RNF138: variants seen among roughly 807,000 people sequenced by gnomAD.
RNF138 encodes E3 ubiquitin-protein ligase RNF138.
RNF138 carries 12 observed loss-of-function variants against 31.0 expected under a neutral mutation model. That is an observed-to-expected ratio of 0.39 (90% CI 0.25 to 0.63). RNF138 has a LOEUF of 0.63. RNF138 is among the 20% of genes least tolerant of loss of function. RNF138 has a pLI of 0.52. For missense variants in RNF138, 192 were observed against 300.1 expected (o/e 0.64, Z 2.66); for synonymous variants, 105 against 99.5 (o/e 1.06, Z -0.33).
At chr18:32,111,636 A>G (rs1598855348) in intron 2 of RNF138, 118 bp from the exon 3 acceptor site, 1 of 803,092 alleles carries the variant, frequency 1.2e-6, no homozygotes, top group Non-Finnish European at 2.0e-6. Context: ...TTATGTACAT[A>G]TGAGTAGCCT....
At chr18:32,128,999 C>T (rs1295109880) in intron 7 of RNF138, 120 bp from the exon 8 acceptor site, 3 of 669,344 alleles carry the variant, frequency 4.5e-6, no homozygotes, top group South Asian at 1.7e-5. Flanking sequence ...CATAACTGTC[C>T]TGAGTGTGTG....
intron 2 of RNF138, among the ~76,000 whole-genome samples, chr18:32,095,256 ACCTCCC>A (rs2039783974): frequency 6.6e-6 from 1 of 151,420 alleles, no homozygotes; most frequent in South Asian, 2.1e-4. Context: ...TGCAGCCTTG[ACCTCCC>A]CCGTTGGAGC....
At chr18:32,115,983 A>G (rs1024196732) in intron 4 of RNF138, among the ~76,000 whole-genome samples, 1 of 152,170 alleles carries the variant, frequency 6.6e-6, no homozygotes, top group African/African-American at 2.4e-5. Flanking sequence ...CAAATTTCAG[A>G]TGTCACTTAC....
At chr18:32,107,279 C>A (rs2040049350) in intron 2 of RNF138, among the ~76,000 whole-genome samples, 2 of 151,276 alleles carry the variant, frequency 1.3e-5, no homozygotes, top group African/African-American at 4.9e-5. Flanking sequence ...CGCTGCCACG[C>A]CCAGCTAATT....
chr18:32,124,650 G>A, intron 5 of RNF138, 84 bp from the exon 6 acceptor site: 1 of 714,936 alleles, frequency 1.4e-6, no homozygotes, highest in Non-Finnish European at 2.5e-6. Context: ...TTTAAAAAAT[G>A]TATAGTGATT....
intron 2 of RNF138, among the ~76,000 whole-genome samples, chr18:32,100,337 T>C (rs1265409011): frequency 6.6e-6 from 1 of 151,906 alleles, no homozygotes; most frequent in Non-Finnish European, 1.5e-5. Flanking sequence ...TGTTGCTCTG[T>C]TGCCCAGGCT....
Position 32,111,727 on chromosome 18 carries a change from A to T in RNF138, c.111-27A>T, listed in dbSNP as rs1162176697. ...GATGAAGAGAGTAATTTTTTTTGTA[A>T]TTAATGTGTCACAATGTTTGGTTTA... is the stretch of plus-strand genomic sequence containing the variant. On this transcript the variant is annotated intron_variant, in intron 2 of 7. Coordinates refer to ENST00000261593, the MANE Select transcript of RNF138 (RefSeq NM_016271.5). The T allele has an allele frequency of 5.0e-6, 8 of 1,584,786 alleles. No individual in the cohort carries two copies. The Admixed American group carries it at 7.4e-5, about 15-fold the overall frequency.
chr18:32,127,625 AT>A (rs1447867340), intron 7 of RNF138, among the ~76,000 whole-genome samples: 1 of 152,224 alleles, frequency 6.6e-6, no homozygotes, highest in Non-Finnish European at 1.5e-5. Context: ...TATATGTAAA[AT>A]TTAGGTGCGC....
At chr18:32,125,022 A>G (rs1166209400) in intron 6 of RNF138, 177 bp downstream of exon 6, 2 of 541,686 alleles carry the variant, frequency 3.7e-6, no homozygotes, top group Non-Finnish European at 3.3e-6. Context: ...GATATTTAAA[A>G]TTGCAGTAAC....
intron 2 of RNF138, among the ~76,000 whole-genome samples, chr18:32,097,973 TG>T (rs1477924235): frequency 8.0e-4 from 32 of 40,232 alleles, no homozygotes; most frequent in Non-Finnish European, 1.5e-3. Flanking sequence ...TGTGTGTGTG[TG>T]TGTTATTTTT....
intron 4 of RNF138, among the ~76,000 whole-genome samples, chr18:32,123,304 T>TAA (rs1380379352): frequency 1.3e-5 from 2 of 152,308 alleles, no homozygotes; most frequent in African/African-American, 4.8e-5. Flanking sequence ...TCAATTTATT[T>TAA]AAAAGTAATT....
intron 2 of RNF138, among the ~76,000 whole-genome samples, chr18:32,104,080 C>A (rs2039988765): frequency 6.9e-6 from 1 of 144,466 alleles, no homozygotes; most frequent in Admixed American, 7.1e-5. Context: ...GTGGCCTGAT[C>A]TTGGCTCACT....
intron 4 of RNF138, among the ~76,000 whole-genome samples, chr18:32,122,782 C>T (rs1412171037): frequency 1.3e-5 from 2 of 152,180 alleles, no homozygotes; most frequent in African/African-American, 4.8e-5. Context: ...CAAGATTGCA[C>T]CACTGCACTC....
chr18:32,113,876 T>A lies in RNF138; in HGVS notation c.392+16T>A. The A allele has an allele frequency of 8.6e-7, 1 of 1,165,910 alleles. No homozygotes were observed. The highest frequency in any genetic ancestry group is 1.2e-6 in the Non-Finnish European group (1 of 805,862). The allele number at this position is 1,165,910 out of a possible 1,614,324, so 72.2% of individuals were successfully genotyped here. ...TAGGGAACAGGTAAGCAATACTTAT[T>A]CCTAAATACAGAATTTTCATAATTG... is the stretch of plus-strand genomic sequence containing the variant. On this transcript the variant is annotated intron_variant, in intron 4 of 7. Transcript: ENST00000261593.
intron 2 of RNF138, among the ~76,000 whole-genome samples, chr18:32,096,746 T>C (rs1437648400): frequency 6.6e-6 from 1 of 152,166 alleles, no homozygotes; most frequent in Non-Finnish European, 1.5e-5. Flanking sequence ...TTTTTGTTTT[T>C]TTTGAAATAG....
chr18:32,104,268 G>A (rs371897894), intron 2 of RNF138, among the ~76,000 whole-genome samples: 2 of 151,682 alleles, frequency 1.3e-5, no homozygotes, highest in East Asian at 1.9e-4. Flanking sequence ...CCACTTCGGC[G>A]TCCCAAAGGG....
intron 3 of RNF138, among the ~76,000 whole-genome samples, chr18:32,112,694 G>A (rs2040152735): frequency 6.6e-6 from 1 of 152,080 alleles, no homozygotes; most frequent in South Asian, 2.1e-4. Flanking sequence ...AAAAAAAGAA[G>A]AAGAAAGAAA....
chr18:32,103,981 A>G (rs1025475016), intron 2 of RNF138, among the ~76,000 whole-genome samples: 5 of 148,934 alleles, frequency 3.4e-5, no homozygotes, highest in Non-Finnish European at 7.4e-5. Flanking sequence ...AAAAAAGAAA[A>G]CTTCATAGCA....
In RNF138 at chr18:32,111,237, GA is replaced by G. The variant is rs1486241161; in HGVS notation, c.111-515del. Among the ~76,000 whole-genome samples, 6 of 152,294 alleles carry G rather than the reference GA, an allele frequency of 3.9e-5. No individual in the cohort carries two copies. In the East Asian group the frequency reaches 5.8e-4, roughly 15 times the overall value. ...GGTAAAACCTATTAACTTTATCCTA[GA>G]ACTTCCCAAACCAATTTGTGTGCTC... On this transcript the variant is annotated intron_variant, in intron 2 of 7. Transcript: ENST00000261593.
Sources: allele counts gnomAD v4.1 joint callset (sites outside exome capture counted in the v4.1 genomes callset), GRCh38; gene constraint gnomAD v4.1.1; transcripts MANE v1.5; gene names NCBI Gene and HGNC (gene_info 2026-07-23, HGNC 2026-07-21).